The following PPFIA2 variants were observed in gnomAD, a reference collection of about 807,000 sequenced individuals.
PPFIA2 encodes PPFI scaffold protein A2, also known as liprin-alpha-2.
A neutral mutation model predicts 175.5 loss-of-function variants in PPFIA2; 46 were observed. That is an observed-to-expected ratio of 0.26 (90% CI 0.21 to 0.34). The LOEUF (loss-of-function observed/expected upper bound fraction) is 0.34, where lower values mean the gene tolerates loss of function less well. PPFIA2 is among the 10% of genes least tolerant of loss of function. The pLI is 1.00. For missense variants in PPFIA2, 1,179 were observed against 1,506.1 expected, an observed-to-expected ratio of 0.78 and a Z score of 3.60; for synonymous variants, 568 against 511.4, an observed-to-expected ratio of 1.11 and a Z score of -1.49.
At chr12:81,278,309 G>A (rs1314256041) in intron 27 of PPFIA2, among the ~76,000 whole-genome samples, 1 of 152,140 alleles carries the variant, frequency 6.6e-6, no homozygotes, top group Non-Finnish European at 1.5e-5. Context: ...TTGGGAGGCT[G>A]AGGTGGGTGG....
chr12:81,504,762 A>T (rs1478465447), intron 4 of PPFIA2, among the ~76,000 whole-genome samples: 1 of 152,218 alleles, frequency 6.6e-6, no homozygotes, highest in Non-Finnish European at 1.5e-5. Flanking sequence ...CATCAGTGAT[A>T]GACTGGATAA....
chr12:81,701,158 T>C (rs774949914), intron 3 of PPFIA2, among the ~76,000 whole-genome samples: 15 of 152,310 alleles, frequency 9.8e-5, no homozygotes, highest in East Asian at 5.8e-4. Context: ...ATCTGTGAGA[T>C]GCAGGCCATC....
intron 22 of PPFIA2, among the ~76,000 whole-genome samples, chr12:81,315,348 G>T (rs944524389): frequency 2.6e-5 from 4 of 151,828 alleles, no homozygotes; most frequent in Admixed American, 2.0e-4. Flanking sequence ...ATTGGGTGTG[G>T]TTGTTATATG....
intron 4 of PPFIA2, among the ~76,000 whole-genome samples, chr12:81,541,099 C>CT: frequency 6.6e-6 from 1 of 152,182 alleles, no homozygotes; most frequent in South Asian, 2.1e-4. Context: ...AAACAACTTA[C>CT]TTTTTAAACA....
chr12:81,576,411 T>C (rs1407771902), intron 4 of PPFIA2, among the ~76,000 whole-genome samples: 2 of 151,760 alleles, frequency 1.3e-5, no homozygotes, highest in Non-Finnish European at 2.9e-5. Context: ...ACAAAACTTC[T>C]TTCAGTCAAT....
chr12:81,403,329 A>G (rs1322287925), intron 8 of PPFIA2, among the ~76,000 whole-genome samples: 3 of 152,196 alleles, frequency 2.0e-5, no homozygotes, highest in African/African-American at 7.2e-5. Flanking sequence ...GAAGACCAAT[A>G]GAGACAAATA....
At chr12:81,412,202 T>C (rs1048570834) in intron 7 of PPFIA2, among the ~76,000 whole-genome samples, 1 of 151,940 alleles carries the variant, frequency 6.6e-6, no homozygotes, top group African/African-American at 2.4e-5. Context: ...TTAGGATTTC[T>C]TGAGGGTTTA....
intron 4 of PPFIA2, among the ~76,000 whole-genome samples, chr12:81,508,308 G>A (rs1188362230): frequency 6.6e-6 from 1 of 152,010 alleles, no homozygotes; most frequent in African/African-American, 2.4e-5. Context: ...GATCACCTGA[G>A]GTCGGGAGGT....
chr12:81,450,610 T>G (rs1182258481), intron 5 of PPFIA2, among the ~76,000 whole-genome samples: 3 of 152,106 alleles, frequency 2.0e-5, no homozygotes, highest in Non-Finnish European at 4.4e-5. Context: ...TCTGATGGTA[T>G]TTTCTTTTGC....
At chr12:81,544,749 C>T (rs889196526) in intron 4 of PPFIA2, among the ~76,000 whole-genome samples, 1 of 152,094 alleles carries the variant, frequency 6.6e-6, no homozygotes, top group Non-Finnish European at 1.5e-5. Flanking sequence ...TTTCCATCAG[C>T]ACACAATTAT....
At chr12:81,383,888 T>A in intron 9 of PPFIA2, 135 bp downstream of exon 9, 1 of 658,640 alleles carries the variant, frequency 1.5e-6, no homozygotes, top group Admixed American at 3.4e-5. Flanking sequence ...ACAAGTTTCA[T>A]AACTAATATA....
intron 4 of PPFIA2, among the ~76,000 whole-genome samples, chr12:81,510,538 T>A (rs1348092727): frequency 3.9e-5 from 6 of 152,138 alleles, no homozygotes; most frequent in Non-Finnish European, 7.4e-5. Context: ...ATTTCTTTAA[T>A]TCTAAAGACA....
intron 4 of PPFIA2, among the ~76,000 whole-genome samples, chr12:81,507,957 G>A (rs755016513): frequency 6.6e-6 from 1 of 151,948 alleles, no homozygotes; most frequent in Non-Finnish European, 1.5e-5. Flanking sequence ...AAATTCATGT[G>A]CTATTTGTTT....
chr12:81,704,297 T>TAA, intron 3 of PPFIA2, among the ~76,000 whole-genome samples: 1 of 152,286 alleles, frequency 6.6e-6, no homozygotes, highest in East Asian at 1.9e-4. Context: ...TATAGCTCAA[T>TAA]TAACAAGTAT....
At chr12:81,486,457 A>T (rs963880983) in intron 4 of PPFIA2, among the ~76,000 whole-genome samples, 1 of 151,956 alleles carries the variant, frequency 6.6e-6, no homozygotes, top group African/African-American at 2.4e-5. Flanking sequence ...TTAAAAACAT[A>T]GTATTTCTAG....
At chr12:81,753,210 C>T (rs2084104317) in intron 3 of PPFIA2, among the ~76,000 whole-genome samples, 1 of 152,156 alleles carries the variant, frequency 6.6e-6, no homozygotes, top group Non-Finnish European at 1.5e-5. Flanking sequence ...GCTAGGATTA[C>T]AGGCCTGAGC....
chr12:81,576,341 C>A (rs1343118188), intron 4 of PPFIA2, among the ~76,000 whole-genome samples: 2 of 151,730 alleles, frequency 1.3e-5, no homozygotes, highest in Non-Finnish European at 1.5e-5. Context: ...CACATGGCTG[C>A]ACCAGCCTCA....
At chr12:81,567,839 T>A (rs1458358698) in intron 4 of PPFIA2, among the ~76,000 whole-genome samples, 1 of 152,220 alleles carries the variant, frequency 6.6e-6, no homozygotes. Context: ...TATGAGTTGT[T>A]CTAGTGAATT....
At chr12:81,431,900 C>A (rs1425571704) in intron 7 of PPFIA2, among the ~76,000 whole-genome samples, 1 of 152,166 alleles carries the variant, frequency 6.6e-6, no homozygotes, top group Admixed American at 6.5e-5. Flanking sequence ...CTCCCCAATC[C>A]TACCTCTACC....
Sources: allele counts gnomAD v4.1 joint callset (sites outside exome capture counted in the v4.1 genomes callset), GRCh38; gene constraint gnomAD v4.1.1; transcripts MANE v1.5; gene names NCBI Gene and HGNC (gene_info 2026-07-23, HGNC 2026-07-21).